Variants in COASY observed in about 807,000 individuals in gnomAD.
COASY encodes the protein Coenzyme A synthase, also known as bifunctional coenzyme A synthase.
In COASY, 31 loss-of-function variants were observed where a neutral mutation model predicts 49.4. That is an observed-to-expected ratio of 0.63 (90% CI 0.47 to 0.85). COASY has a LOEUF of 0.85. Among genes scored for constraint, COASY ranks in the 40% least tolerant of loss-of-function variants. COASY has a pLI of 0.00. For synonymous variants in COASY, 285 were observed against 310.9 expected (o/e 0.92, Z 0.88); for missense variants, 730 against 734.1 (o/e 0.99, Z 0.06).
chr17:42,565,442 T>G, intron 6 of COASY, 29 bp from the exon 7 acceptor site: 2 of 1,613,562 alleles, frequency 1.2e-6, no homozygotes, highest in Non-Finnish European at 1.7e-6. Context: ...ACGTCGGCAC[T>G]GCTGGCGGTG....
chr17:42,563,762 C>T, intron 1 of COASY, 199 bp from the exon 2 acceptor site: 1 of 575,338 alleles, frequency 1.7e-6, no homozygotes, highest in Middle Eastern at 4.5e-4. Flanking sequence ...TGGACACATG[C>T]CAGCCCTTGG....
In COASY at chr17:42,564,970, C is replaced by G. The variant is rs1484578575; in HGVS notation, c.1238-13C>G. On this transcript the variant is annotated splice_polypyrimidine_tract_variant and intron_variant, in intron 4 of 8. Coordinates refer to ENST00000393818, the MANE Select transcript of COASY (RefSeq NM_025233.7). Reference sequence around the variant, plus strand: ...CAGGCCTCTGTGCTCAGTTGTCTGTCTGTGTTGTCCAGATATTCTCCATAA... The same window carrying G: ...CAGGCCTCTGTGCTCAGTTGTCTGTGTGTGTTGTCCAGATATTCTCCATAA... 5.0e-6 allele frequency: 8 copies of G among 1,614,038 alleles called. No individual in the cohort carries two copies. The highest frequency in any genetic ancestry group is 6.8e-6 in the Non-Finnish European group (8 of 1,180,004).
At chr17:42,565,095 G>C in intron 5 of COASY, 48 bp downstream of exon 5, 1 of 1,596,086 alleles carries the variant, frequency 6.3e-7, no homozygotes, top group Non-Finnish European at 8.6e-7. Context: ...TAGACCCAGG[G>C]GTCAGGGTCC....
At chr17:42,563,404 G>C (rs1276010768) in intron 1 of COASY, 82 bp downstream of exon 1, 54 of 1,333,666 alleles carry the variant, frequency 4.0e-5, no homozygotes, top group Non-Finnish European at 5.5e-5. Context: ...TCAAGGAAGG[G>C]TAGGGCCATT....
rs749174098 is a variant in COASY at position 42,564,967 on chromosome 17, T to TCTGTGTTGTCC, written c.1238-16_1238-15insCTGTGTTGTCC. On this transcript the variant is annotated splice_polypyrimidine_tract_variant and intron_variant, in intron 4 of 8. Transcript: ENST00000393818. ...AGCCAGGCCTCTGTGCTCAGTTGTC[T>TCTGTGTTGTCC]GTCTGTGTTGTCCAGATATTCTCCA... 4 of 1,614,182 alleles carry TCTGTGTTGTCC rather than the reference T, an allele frequency of 2.5e-6. No individual in the cohort carries two copies. The Admixed American group carries it at 6.7e-5, about 27-fold the overall frequency.
Position 42,564,506 on chromosome 17 carries a change from AATG to A in COASY, c.978_980del (p.Asn326_Glu327delinsLys), listed in dbSNP as rs755151398. ...GCTGAAGGACCTCAGACATACAGAG[AATG>A]AAGAGGACAAAGTCAGCTCCTCCAG... On this transcript the variant is annotated inframe_deletion, in exon 3 of 9. Transcript: ENST00000393818. 83 of 1,613,310 alleles carry A rather than the reference AATG, an allele frequency of 5.1e-5. No individual in the cohort carries two copies. The highest frequency in any genetic ancestry group is 7.0e-5 in the Non-Finnish European group (83 of 1,179,660).
chr17:42,565,070 C>T (rs372738661), intron 5 of COASY, 23 bp downstream of exon 5: 2 of 1,612,698 alleles, frequency 1.2e-6, no homozygotes, highest in Non-Finnish European at 1.7e-6. Flanking sequence ...TTCCTAAGGG[C>T]TCCTAAGCCG....
In COASY at chr17:42,565,649, C is replaced by T; in HGVS notation, c.1486-10C>T. The T allele has an allele frequency of 6.2e-7, 1 of 1,614,148 alleles. No homozygotes were observed. Among genetic ancestry groups the T allele is most frequent in the South Asian group, 1.1e-5 (1 of 91,084 alleles). On this transcript the variant is annotated splice_polypyrimidine_tract_variant and intron_variant, in intron 7 of 8. Coordinates refer to ENST00000393818, the MANE Select transcript of COASY (RefSeq NM_025233.7). ...GAATTCTTCCTGACAAATGTCTCGT[C>T]TGTGCTCAGGCTGTAAGACGCATTG...
rs1316916425 is a variant in COASY at position 42,562,194 on chromosome 17, A to G, written c.-429A>G. 2.1e-6 allele frequency: 1 copy of G among 467,582 alleles called. No individual in the cohort carries two copies. Among genetic ancestry groups the G allele is most frequent in the Non-Finnish European group, 3.8e-6 (1 of 262,960 alleles). 29.0% of individuals were successfully genotyped at this position (467,582 alleles called of 1,614,324 possible). On this transcript the variant is annotated 5_prime_UTR_variant, in exon 1 of 9. Transcript: ENST00000393818. The stretch of plus-strand genomic sequence containing the variant: ...CCAGGGAAGCCTCCGCGGTGGTGCA[A>G]GTGGAACCCAAGCCTTGAGGTTTCA...
intron 1 of COASY, chr17:42,563,644 CAGG>C: frequency 5.8e-6 from 3 of 514,692 alleles, no homozygotes; most frequent in South Asian, 2.7e-5. Context: ...GTGCCACAGA[CAGG>C]AGGAGGAAAC....
intron 2 of COASY, 114 bp downstream of exon 2, chr17:42,564,289 G>A (rs1389201564): frequency 6.9e-7 from 1 of 1,450,646 alleles, no homozygotes; most frequent in South Asian, 1.2e-5. Flanking sequence ...GCTCAGGGTG[G>A]TGGGAAGAAG....
rs1441227638 is a variant in COASY, at chr17:42,564,073, C to T, written c.813C>T (p.Asp271=). ...CTTTTGATGTCATCCCCCTGCTGGA[C>T]CCCTATGGGCCCGCTGGCTCTGACC... ...SLTFDVIPLL[D]PYGPAGSDPS... is the part of the protein sequence containing the mutation. Residue 271 remains aspartate, a synonymous_variant, in exon 2 of 9, where the codon GAC becomes GAT. Coordinates refer to ENST00000393818, the MANE Select transcript of COASY (RefSeq NM_025233.7). 4.3e-6 allele frequency: 7 copies of T among 1,614,172 alleles called. No homozygotes were observed. Among genetic ancestry groups the T allele is most frequent in the East Asian group, 4.5e-5 (2 of 44,892 alleles).
chr17:42,566,009 A>C lies in COASY; in HGVS notation c.*41A>C, dbSNP rs772065240. The C allele has an allele frequency of 5.6e-6, 9 of 1,606,548 alleles. No homozygotes were observed. In the Admixed American group the frequency reaches 1.5e-4, roughly 27 times the overall value. ...GCCAGACTGGCTCCTGGAGCTGACA[A>C]GCGACCCCGTGGTGAGGAGAAATGG... On this transcript the variant is annotated 3_prime_UTR_variant, in exon 9 of 9. Coordinates refer to ENST00000393818, the MANE Select transcript of COASY (RefSeq NM_025233.7).
chr17:42,563,537 A>C, intron 1 of COASY: 3 of 566,420 alleles, frequency 5.3e-6, no homozygotes, highest in Non-Finnish European at 6.2e-6. Flanking sequence ...GAATACCCCA[A>C]ATGTGAAGCA....
In COASY at chr17:42,563,010, A is replaced by G; in HGVS notation, c.388A>G (p.Lys130Glu). Residue 130 changes from lysine to glutamate, a missense_variant, in exon 1 of 9, where the codon AAA becomes GAA. Physicochemically the swap from Lys to Glu is moderately conservative, Grantham distance 56. Coordinates refer to ENST00000393818, the MANE Select transcript of COASY (RefSeq NM_025233.7). ...GGATGGAAGCCAGTACAACCCGGTC[A>G]AACAGCAGCTAGTGCGTTACGCCAC... is the stretch of plus-strand genomic sequence containing the variant. ...TLDGSQYNPV[K>E]QQLVRYATSC... is the part of the protein sequence containing the mutation. The G allele has an allele frequency of 6.2e-7, 1 of 1,614,168 alleles. No individual in the cohort carries two copies. Among genetic ancestry groups the G allele is most frequent in the Non-Finnish European group, 8.5e-7 (1 of 1,180,024 alleles).
intron 6 of COASY, 77 bp from the exon 7 acceptor site, chr17:42,565,394 C>T (rs1285760565): frequency 1.9e-6 from 3 of 1,605,430 alleles, no homozygotes; most frequent in Non-Finnish European, 2.6e-6. Flanking sequence ...CAACGTGGGA[C>T]TGTCTGTTCA....
At position 42,562,465 on chromosome 17, in the gene COASY, G is replaced by GTCCCC; in HGVS notation, c.-152_-148dup. 6.2e-7 allele frequency: 1 copy of GTCCCC among 1,613,720 alleles called. No homozygotes were observed. Among genetic ancestry groups the GTCCCC allele is most frequent in the Non-Finnish European group, 8.5e-7 (1 of 1,179,834 alleles). On this transcript the variant is annotated 5_prime_UTR_variant, in exon 1 of 9. The change abolishes the stop of an existing upstream ORF in the 5' untranslated region. Transcript: ENST00000393818. Reference sequence around the variant, plus strand: ...CCCGAGGCGCCGTCTACCAGGCCCCGTCCCCTCCCCCGGCTCCTGTCGGTC... The same window carrying GTCCCC: ...CCCGAGGCGCCGTCTACCAGGCCCCGTCCCCTCCCCTCCCCCGGCTCCTGTCGGTC...
chr17:42,564,731 G>A lies in COASY; in HGVS notation c.1070G>A (p.Cys357Tyr), dbSNP rs907961350. The change falls in exon 4 of 9, where the codon TGT becomes TAT. Residue 357 changes from cysteine to tyrosine, a missense_variant. Physicochemically the swap from Cys to Tyr is radical, Grantham distance 194. Coordinates refer to ENST00000393818, the MANE Select transcript of COASY (RefSeq NM_025233.7). ...CAGGAAAGGCCAGAGCTCCCCACAT[G>A]TCTCTATGTAATTGGGCTGACTGGC... is the stretch of plus-strand genomic sequence containing the variant. The part of the protein sequence containing the change: ...PPYERPELPT[C>Y]LYVIGLTGIS... The A allele has an allele frequency of 1.6e-5, 25 of 1,527,554 alleles. No homozygotes were observed. The highest frequency in any genetic ancestry group is 2.2e-5 in the Non-Finnish European group (25 of 1,141,820). 94.6% of individuals were successfully genotyped at this position (1,527,554 alleles called of 1,614,324 possible).
chr17:42,566,210 C>T lies in COASY; in HGVS notation c.*242C>T. The T allele has an allele frequency of 1.8e-6, 1 of 568,820 alleles. No homozygotes were observed. Among genetic ancestry groups the T allele is most frequent in the Middle Eastern group, 4.7e-4 (1 of 2,110 alleles). The allele number at this position is 568,820 out of a possible 1,614,324, so 35.2% of individuals were successfully genotyped here. A position where few individuals can be genotyped will look rare whatever the true frequency, so the allele number is the denominator to read the frequency against. ...CACTCTTGCCCATGGGTGACTCTTA[C>T]CCACAGCTGACTAGGGCCAGCGCAA... On this transcript the variant is annotated 3_prime_UTR_variant, in exon 9 of 9. Coordinates refer to ENST00000393818, the MANE Select transcript of COASY (RefSeq NM_025233.7).
Sources: allele counts gnomAD v4.1 joint callset, GRCh38; gene constraint gnomAD v4.1.1; transcripts MANE v1.5; gene names NCBI Gene and HGNC (gene_info 2026-07-23, HGNC 2026-07-21).